Variants in DIAPH2 observed in about 807,000 individuals in gnomAD.
DIAPH2 encodes the protein diaphanous related formin 2.
Under a neutral mutation model 92.7 loss-of-function variants are expected in DIAPH2, and 35 were observed. The observed-to-expected ratio is 0.38, with a 90% CI of 0.29 to 0.50. DIAPH2 has a LOEUF of 0.50. Among genes scored for constraint, DIAPH2 ranks in the 20% least tolerant of loss-of-function variants. The probability of loss-of-function intolerance (pLI) is 0.94; values close to 1 mark genes in which losing one functional copy is unlikely to be tolerated. For missense variants in DIAPH2, 701 were observed against 819.5 expected (o/e 0.86, Z 1.77); for synonymous variants, 301 against 280.4 (o/e 1.07, Z -0.73).
chrX:97,121,426 C>G (rs2067057220), intron 21 of DIAPH2, among the ~76,000 whole-genome samples: 1 of 111,723 alleles, frequency 9.0e-6, no homozygotes, highest in African/African-American at 3.3e-5. Context: ...AGACTCAGAA[C>G]TCGTCAAATT....
At chrX:97,540,078 GCTC>G (rs2147856149) in intron 26 of DIAPH2, among the ~76,000 whole-genome samples, 2 of 111,856 alleles carry the variant, frequency 1.8e-5, no homozygotes, top group African/African-American at 6.5e-5. Context: ...TTATCCATCT[GCTC>G]TATCAGTGAA....
chrX:97,024,036 T>A (rs1216282170), intron 17 of DIAPH2, among the ~76,000 whole-genome samples: 1 of 111,542 alleles, frequency 9.0e-6, no homozygotes, highest in African/African-American at 3.3e-5. Context: ...AATATATAGG[T>A]AAGTAGTAGT....
At chrX:97,388,394 C>T (rs1299006060) in intron 25 of DIAPH2, among the ~76,000 whole-genome samples, 1 of 111,659 alleles carries the variant, frequency 9.0e-6, no homozygotes, top group African/African-American at 3.3e-5. Context: ...CTCTGTCACC[C>T]AGGCTGGAAT....
intron 17 of DIAPH2, among the ~76,000 whole-genome samples, chrX:97,005,503 A>G (rs1166084613): frequency 9.0e-6 from 1 of 111,213 alleles, no homozygotes; most frequent in Non-Finnish European, 1.9e-5. Flanking sequence ...GGATTTCTTC[A>G]TGATTCAATC....
In DIAPH2 at chrX:97,007,490, T is replaced by C. The variant is rs1024805259; in HGVS notation, c.2050+42283T>C. 6.3e-5 allele frequency among the ~76,000 whole-genome samples: 7 copies of C among 110,855 alleles called. No homozygotes were observed. The Admixed American group carries it at 6.7e-4, about 11-fold the overall frequency. On this transcript the variant is annotated intron_variant, in intron 17 of 26. Transcript: ENST00000324765. ...GCACTGTATATATGTCATGCCACTC[T>C]CTCCTGCCTGTAAGGTTTCCACTGA...
chrX:97,137,265 T>TTGTACA (rs2067176861), intron 21 of DIAPH2, among the ~76,000 whole-genome samples: 1 of 30,082 alleles, frequency 3.3e-5, no homozygotes, highest in Admixed American at 4.8e-4. Context: ...ATAAACGCAG[T>TTGTACA]TATACATATA....
chrX:97,194,518 T>C (rs2067684763), intron 22 of DIAPH2, among the ~76,000 whole-genome samples: 1 of 110,552 alleles, frequency 9.0e-6, no homozygotes, highest in Non-Finnish European at 1.9e-5. Flanking sequence ...TCTCCCGACC[T>C]CGTGATCCGC....
intron 17 of DIAPH2, among the ~76,000 whole-genome samples, chrX:97,018,152 A>G (rs2066273073): frequency 8.9e-6 from 1 of 112,245 alleles, no homozygotes; most frequent in Non-Finnish European, 1.9e-5. Flanking sequence ...CACCAACATC[A>G]TATGCTCATA....
intron 4 of DIAPH2, among the ~76,000 whole-genome samples, chrX:96,791,720 T>A (rs1314908027): frequency 9.0e-6 from 1 of 111,159 alleles, no homozygotes; most frequent in African/African-American, 3.3e-5. Context: ...GGTCTATTTC[T>A]GTCCTAGCAT....
At chrX:96,961,163 T>G (rs2147819996) in intron 16 of DIAPH2, among the ~76,000 whole-genome samples, 1 of 111,499 alleles carries the variant, frequency 9.0e-6, no homozygotes, top group African/African-American at 3.3e-5. Context: ...GAATTGGTGT[T>G]AGTTCTTTTT....
At chrX:97,177,927 G>A (rs1379225531) in intron 22 of DIAPH2, among the ~76,000 whole-genome samples, 1 of 111,214 alleles carries the variant, frequency 9.0e-6, no homozygotes, top group Non-Finnish European at 1.9e-5. Context: ...TCTAGATATG[G>A]GCCAGGCACG....
At chrX:97,343,925 T>G (rs1056817292) in intron 23 of DIAPH2, among the ~76,000 whole-genome samples, 1 of 111,574 alleles carries the variant, frequency 9.0e-6, no homozygotes, top group African/African-American at 3.3e-5. Flanking sequence ...TGCCATGGAC[T>G]ATTACAGTGT....
intron 20 of DIAPH2, among the ~76,000 whole-genome samples, chrX:97,103,962 C>T (rs961532173): frequency 9.0e-6 from 1 of 111,619 alleles, no homozygotes; most frequent in Non-Finnish European, 1.9e-5. Context: ...CTGCCTCCCT[C>T]TCTTGTTTAT....
At chrX:96,813,128 A>G (rs1439146228) in intron 4 of DIAPH2, among the ~76,000 whole-genome samples, 6 of 110,863 alleles carry the variant, frequency 5.4e-5, no homozygotes, top group African/African-American at 2.0e-4. Flanking sequence ...GGGTGTTAAA[A>G]TATCCCATTA....
At chrX:97,095,098 CTTTTTTTTTTTTTTTTTT>C (rs61350837) in intron 19 of DIAPH2, among the ~76,000 whole-genome samples, 367 of 22,406 alleles carry the variant, frequency 0.016, 2 homozygotes, top group Non-Finnish European at 0.029. Context: ...GTTTCTTTTT[CTTTTTTTTTTTTTTTTTT>C]TTTTTTTTTT....
chrX:97,175,044 T>C (rs2067481690), intron 22 of DIAPH2, among the ~76,000 whole-genome samples: 1 of 111,932 alleles, frequency 8.9e-6, no homozygotes, highest in South Asian at 3.7e-4. Context: ...CAGTGGATTA[T>C]AATTACCATA....
chrX:97,095,125 T>C (rs1202786962), intron 19 of DIAPH2, among the ~76,000 whole-genome samples: 10 of 72,264 alleles, frequency 1.4e-4, no homozygotes, highest in Non-Finnish European at 2.6e-4. Context: ...TTTTTTTTTT[T>C]TTTTTTTTTG....
chrX:97,545,533 A>AATAT (rs72373635), intron 26 of DIAPH2, among the ~76,000 whole-genome samples: 11 of 79,337 alleles, frequency 1.4e-4, no homozygotes, highest in African/African-American at 4.5e-4. Flanking sequence ...AAAAAAAAAA[A>AATAT]ATATATATAT....
chrX:96,915,687 GATAAA>G (rs781075251), intron 7 of DIAPH2, among the ~76,000 whole-genome samples: 1 of 111,864 alleles, frequency 8.9e-6, no homozygotes, highest in South Asian at 3.6e-4. Flanking sequence ...GTGGGACAAA[GATAAA>G]ATAATATATT....
Sources: allele counts gnomAD v4.1 joint callset (sites outside exome capture counted in the v4.1 genomes callset), GRCh38; gene constraint gnomAD v4.1.1; transcripts MANE v1.5; gene names NCBI Gene and HGNC (gene_info 2026-07-23, HGNC 2026-07-21).